Variants in HPSE2 observed in about 807,000 individuals in gnomAD.
HPSE2 encodes inactive heparanase-2.
In HPSE2, 38 loss-of-function variants were observed where a neutral mutation model predicts 60.5. The ratio of observed to expected loss-of-function variants is 0.63; its 90% CI spans 0.48 to 0.82. HPSE2 has a LOEUF of 0.82. HPSE2 is among the 40% of genes least tolerant of loss of function. HPSE2 has a pLI of 0.00. For missense variants in HPSE2, 713 were observed against 740.4 expected (o/e 0.96, Z 0.43); for synonymous variants, 295 against 293.2 (o/e 1.01, Z -0.06).
intron 3 of HPSE2, among the ~76,000 whole-genome samples, chr10:98,748,102 CA>C (rs1949670124): frequency 6.6e-6 from 1 of 152,044 alleles, no homozygotes; most frequent in Non-Finnish European, 1.5e-5. Context: ...AGTTCGAGAC[CA>C]GCCTAACCAA....
intron 2 of HPSE2, among the ~76,000 whole-genome samples, chr10:99,213,974 T>G (rs1214903181): frequency 6.6e-6 from 1 of 152,150 alleles, no homozygotes; most frequent in Non-Finnish European, 1.5e-5. Context: ...AGGACTTATA[T>G]CTAGAATATA....
At chr10:99,235,908 T>G, upstream of HPSE2, 3 of 872,638 alleles carry the variant, frequency 3.4e-6, no homozygotes, top group Non-Finnish European at 3.7e-6. Flanking sequence ...TTTTTTTCCC[T>G]TCCTCCCACC....
At chr10:98,986,057 C>A (rs992444753) in intron 3 of HPSE2, among the ~76,000 whole-genome samples, 7 of 152,010 alleles carry the variant, frequency 4.6e-5, no homozygotes, top group African/African-American at 1.7e-4. Flanking sequence ...ACTTTAACAC[C>A]CCACTGTCGA....
chr10:99,102,404 C>A (rs1844040033), intron 3 of HPSE2, among the ~76,000 whole-genome samples: 1 of 152,148 alleles, frequency 6.6e-6, no homozygotes, highest in African/African-American at 2.4e-5. Flanking sequence ...AATTCCTGGA[C>A]ACATACACCC....
intron 2 of HPSE2, among the ~76,000 whole-genome samples, chr10:99,188,489 T>C (rs1206820154): frequency 6.6e-6 from 1 of 152,174 alleles, no homozygotes; most frequent in East Asian, 1.9e-4. Flanking sequence ...TTTAAAATCA[T>C]TTGCAAAGGT....
Position 98,954,435 on chromosome 10 carries a change from G to T in HPSE2, c.610+189803C>A, listed in dbSNP as rs182480488. Among the ~76,000 whole-genome samples the T allele has an allele frequency of 1.3e-3, 201 of 152,274 alleles. 1 individual carries two copies. The highest frequency in any genetic ancestry group is 4.8e-3 in the African/African-American group (200 of 41,558). On this transcript the variant is annotated intron_variant, in intron 3 of 11. Transcript: ENST00000370552. ...TATTGGGAGCCCTAGGACACTGAACGTGTCACTAAAAATCTTCCTGATTAA... is the reference window on the plus strand; with the variant it reads ...TATTGGGAGCCCTAGGACACTGAACTTGTCACTAAAAATCTTCCTGATTAA...
the HPSE2 span, among the ~76,000 whole-genome samples, chr10:99,297,654 T>A: frequency 7.0e-4 from 106 of 152,304 alleles, no homozygotes; most frequent in African/African-American, 2.5e-3. Context: ...GACACTTGAT[T>A]GTGAGAGACC....
chr10:98,472,947 C>G (rs528792283), intron 11 of HPSE2, among the ~76,000 whole-genome samples: 1 of 152,180 alleles, frequency 6.6e-6, no homozygotes, highest in African/African-American at 2.4e-5. Flanking sequence ...AATACCCCAA[C>G]AGAAAAATAG....
chr10:99,189,438 C>T (rs948385939), intron 2 of HPSE2, among the ~76,000 whole-genome samples: 1 of 152,078 alleles, frequency 6.6e-6, no homozygotes, highest in Non-Finnish European at 1.5e-5. Context: ...AGAAAAAGAC[C>T]CTGACCTTGG....
Position 99,235,744 on chromosome 10 carries a change from G to C in HPSE2, c.59C>G (p.Ala20Gly). The C allele has an allele frequency of 6.2e-7, 1 of 1,613,764 alleles. No individual in the cohort carries two copies. The highest frequency in any genetic ancestry group is 8.5e-7 in the Non-Finnish European group (1 of 1,179,778). Residue 20 changes from alanine (A) to glycine (G), a missense_variant, in exon 1 of 12, where the codon GCG becomes GGG. Physicochemically the swap from Ala to Gly is moderately conservative, Grantham distance 60. Transcript: ENST00000370552. ...AMPSSNSRPPACLAPGALYLA... is the reference protein window; with the variant it reads ...AMPSSNSRPPGCLAPGALYLA... ...GTAGAGAGCCCCCGGGGCTAGGCAC[G>C]CGGGGGGGCGGGAGTTGCTGGAGGG...
chr10:98,601,755 G>C (rs1245106290), intron 9 of HPSE2, among the ~76,000 whole-genome samples: 1 of 152,110 alleles, frequency 6.6e-6, no homozygotes, highest in Non-Finnish European at 1.5e-5. Flanking sequence ...CTGCAGCTTA[G>C]ACCCACTGCA....
intron 3 of HPSE2, among the ~76,000 whole-genome samples, chr10:98,821,882 T>A (rs2785215): frequency 0.85 from 129,247 of 152,140 alleles, 55,242 homozygotes; most frequent in African/African-American, 0.93. Context: ...CACTAAGACT[T>A]AAAACCTTAT....
At position 99,144,326 on chromosome 10, in the gene HPSE2, C is replaced by T. The variant is rs200038077; in HGVS notation, c.522G>A (p.Leu174=). Residue 174 remains leucine, a synonymous_variant, in exon 3 of 12, where the codon CTG becomes CTA. Transcript: ENST00000370552. ...CKIAQHPDVM[L]ELQREKAAQM... Reference sequence around the variant, plus strand: ...GAGCTGCCTTCTCCCTTTGGAGCTCCAGCATAACATCAGGGTGCTGGGCAA... The same window carrying T: ...GAGCTGCCTTCTCCCTTTGGAGCTCTAGCATAACATCAGGGTGCTGGGCAA... The T allele has an allele frequency of 6.3e-5, 101 of 1,613,946 alleles. No homozygotes were observed. Among genetic ancestry groups the T allele is most frequent in the Non-Finnish European group, 8.5e-5 (100 of 1,180,016 alleles).
intron 3 of HPSE2, among the ~76,000 whole-genome samples, chr10:99,135,899 C>G (rs1214887651): frequency 1.3e-5 from 2 of 151,794 alleles, no homozygotes; most frequent in Non-Finnish European, 2.9e-5. Context: ...CAGAGCAGAA[C>G]TGAGGGAGAT....
intron 5 of HPSE2, among the ~76,000 whole-genome samples, chr10:98,694,873 T>G (rs1176804547): frequency 6.6e-6 from 1 of 152,198 alleles, no homozygotes; most frequent in Non-Finnish European, 1.5e-5. Context: ...AAGACATTCC[T>G]TTCAGTCCGG....
At position 98,765,792 on chromosome 10, in the gene HPSE2, A is replaced by G. The variant is rs367822981; in HGVS notation, c.611-21736T>C. Reference sequence around the variant, plus strand: ...CTGGTGGCAGAGGTTGCAATGAGCCAAGATCACGCCACTGCACTCCAGCCT... The same window carrying G: ...CTGGTGGCAGAGGTTGCAATGAGCCGAGATCACGCCACTGCACTCCAGCCT... On this transcript the variant is annotated intron_variant, in intron 3 of 11. Coordinates refer to ENST00000370552, the MANE Select transcript of HPSE2 (RefSeq NM_021828.5). Among the ~76,000 whole-genome samples the G allele has an allele frequency of 5.1e-4, 78 of 152,118 alleles. 1 individual carries two copies. The highest frequency in any genetic ancestry group is 1.9e-3 in the African/African-American group (77 of 41,478).
chr10:98,557,776 T>C (rs1304878462), intron 9 of HPSE2, among the ~76,000 whole-genome samples: 1 of 151,956 alleles, frequency 6.6e-6, no homozygotes, highest in Non-Finnish European at 1.5e-5. Flanking sequence ...TGGTGAAACC[T>C]TGTCTCTACT....
At position 98,737,014 on chromosome 10, in the gene HPSE2, G is replaced by A. The variant is rs1346665276; in HGVS notation, c.784+6869C>T. ...GTTGAAGGAGAGAAGCAGACAGGAA[G>A]AGAAAACTGAGAAAAGAAGCAGGTA... is the stretch of plus-strand genomic sequence containing the variant. On this transcript the variant is annotated intron_variant, in intron 4 of 11. Coordinates refer to ENST00000370552, the MANE Select transcript of HPSE2 (RefSeq NM_021828.5). Among the ~76,000 whole-genome samples, 5 of 152,188 alleles carry A rather than the reference G, an allele frequency of 3.3e-5. No individual in the cohort carries two copies. In the East Asian group the frequency reaches 9.6e-4, roughly 29 times the overall value.
chr10:98,639,067 G>T (rs75628228), intron 7 of HPSE2, among the ~76,000 whole-genome samples: 2 of 152,142 alleles, frequency 1.3e-5, no homozygotes, highest in Admixed American at 1.3e-4. Flanking sequence ...GGGTCTTGGC[G>T]ACTACTTCAA....
Sources: gnomAD v4.1 joint callset for allele counts (sites outside exome capture counted in the v4.1 genomes callset) on GRCh38, gnomAD v4.1.1 for gene constraint, MANE v1.5 for transcripts, NCBI Gene and HGNC (gene_info 2026-07-23, HGNC 2026-07-21) for gene names.